PPA1: variants seen among roughly 807,000 people sequenced by gnomAD.
The protein encoded by PPA1 is inorganic pyrophosphatase 1, also known as inorganic pyrophosphatase.
A neutral mutation model predicts 41.8 loss-of-function variants in PPA1; 23 were observed. The observed-to-expected ratio is 0.55, with a 90% CI of 0.40 to 0.78. PPA1 has a LOEUF of 0.78. PPA1 is among the 30% of genes least tolerant of loss of function. PPA1 has a pLI of 0.00. For missense variants in PPA1, 320 were observed against 361.6 expected, an observed-to-expected ratio of 0.89 and a Z score of 0.93; for synonymous variants, 101 against 116.8, an observed-to-expected ratio of 0.86 and a Z score of 0.87.
At chr10:70,230,630 G>A (rs556067883) in intron 1 of PPA1, among the ~76,000 whole-genome samples, 2 of 152,170 alleles carry the variant, frequency 1.3e-5, no homozygotes, top group East Asian at 3.9e-4. Context: ...ACTACGTCTG[G>A]CTAATTTTTG....
intron 1 of PPA1, among the ~76,000 whole-genome samples, chr10:70,231,621 G>C (rs1372407145): frequency 6.6e-6 from 1 of 152,228 alleles, no homozygotes; most frequent in African/African-American, 2.4e-5. Context: ...TGACTTTGCA[G>C]TCTGTCCAGC....
chr10:70,218,017 T>G, intron 3 of PPA1, 86 bp from the exon 4 acceptor site: 39 of 1,165,182 alleles, frequency 3.3e-5, no homozygotes, highest in African/African-American at 4.6e-5. Context: ...TTATGGTACC[T>G]ATGTTCCCTA....
chr10:70,206,361 A>C (rs1839939011), intron 8 of PPA1, 28 bp from the exon 9 acceptor site: 1 of 1,534,486 alleles, frequency 6.5e-7, no homozygotes, highest in African/African-American at 1.4e-5. Flanking sequence ...AGTAGTCATA[A>C]GACAAAATAA....
chr10:70,213,695 T>G (rs1840047364), intron 5 of PPA1, 106 bp from the exon 6 acceptor site: 1 of 1,338,552 alleles, frequency 7.5e-7, no homozygotes, highest in Admixed American at 2.5e-5. Context: ...TCTTGAGAAT[T>G]TACCTGAAGA....
chr10:70,212,415 C>T (rs1840031244), intron 6 of PPA1, among the ~76,000 whole-genome samples: 1 of 152,088 alleles, frequency 6.6e-6, no homozygotes, highest in Non-Finnish European at 1.5e-5. Context: ...ATTACACAGC[C>T]AAAACAACCC....
At chr10:70,227,879 T>G (rs1840249137) in intron 2 of PPA1, among the ~76,000 whole-genome samples, 1 of 152,128 alleles carries the variant, frequency 6.6e-6, no homozygotes, top group South Asian at 2.1e-4. Context: ...AATGTATTCA[T>G]GTAAACTTAA....
chr10:70,219,218 T>A (rs1727084259), intron 2 of PPA1, among the ~76,000 whole-genome samples: 1 of 152,116 alleles, frequency 6.6e-6, no homozygotes, highest in South Asian at 2.1e-4. Flanking sequence ...ACTATATAAA[T>A]CTTTTAACTT....
intron 2 of PPA1, among the ~76,000 whole-genome samples, chr10:70,221,058 T>TTATATATATATATA (rs1470145450): frequency 4.3e-5 from 1 of 23,198 alleles, no homozygotes; most frequent in African/African-American, 4.1e-4. Flanking sequence ...TATATATAAT[T>TTATATATATATATA]TATATATATA....
rs988873886 is a variant in PPA1, at chr10:70,233,372, C to A, written c.-45G>T. The A allele has an allele frequency of 4.6e-6, 7 of 1,526,760 alleles. No individual in the cohort carries two copies. Among genetic ancestry groups the A allele is most frequent in the Admixed American group, 2.0e-5 (1 of 49,658 alleles). 94.6% of individuals were successfully genotyped at this position (1,526,760 alleles called of 1,614,324 possible). A position where few individuals can be genotyped will look rare whatever the true frequency, so the allele number is the denominator to read the frequency against. ...CGCCGCTGCCACAGAGCCACCAGCCCGCACGCGGCGCCGACTGACAAGGAG... is the reference window on the plus strand; with the variant it reads ...CGCCGCTGCCACAGAGCCACCAGCCAGCACGCGGCGCCGACTGACAAGGAG... On this transcript the variant is annotated 5_prime_UTR_variant, in exon 1 of 11. Transcript: ENST00000373232.
intron 1 of PPA1, among the ~76,000 whole-genome samples, chr10:70,230,633 A>G (rs1327005421): frequency 6.6e-6 from 1 of 151,902 alleles, no homozygotes; most frequent in Non-Finnish European, 1.5e-5. Context: ...ACGTCTGGCT[A>G]ATTTTTGTGT....
At chr10:70,203,478 A>G (rs1839903459) in intron 10 of PPA1, 1 of 283,054 alleles carries the variant, frequency 3.5e-6, no homozygotes, top group South Asian at 5.1e-5. Flanking sequence ...ATCATGGCTC[A>G]CTGCAACCTC....
chr10:70,219,457 C>A (rs934890896), intron 2 of PPA1, among the ~76,000 whole-genome samples: 2 of 152,148 alleles, frequency 1.3e-5, no homozygotes, highest in African/African-American at 4.8e-5. Context: ...CCAAGTCAGA[C>A]TAATTACTTG....
At chr10:70,217,234 A>G (rs1025937493) in intron 4 of PPA1, among the ~76,000 whole-genome samples, 1 of 152,152 alleles carries the variant, frequency 6.6e-6, no homozygotes, top group Non-Finnish European at 1.5e-5. Context: ...ACTTTACCAC[A>G]AAGAGCTTGA....
At chr10:70,218,022 T>A in intron 3 of PPA1, 91 bp from the exon 4 acceptor site, 2 of 1,139,538 alleles carry the variant, frequency 1.8e-6, no homozygotes, top group Non-Finnish European at 2.4e-6. Flanking sequence ...GTACCTATGT[T>A]CCCTAATTCC....
intron 1 of PPA1, 111 bp downstream of exon 1, chr10:70,233,153 G>T: frequency 2.5e-6 from 3 of 1,220,516 alleles, no homozygotes; most frequent in Non-Finnish European, 3.3e-6. Flanking sequence ...GAGGAGACGG[G>T]CCCGCGTCGG....
intron 10 of PPA1, among the ~76,000 whole-genome samples, chr10:70,203,432 T>C (rs1330603653): frequency 2.0e-5 from 3 of 152,144 alleles, no homozygotes; most frequent in African/African-American, 7.2e-5. Context: ...AGACAGGGTC[T>C]CACTCTCTTG....
chr10:70,229,112 G>A (rs1840261019), intron 2 of PPA1, among the ~76,000 whole-genome samples: 1 of 152,178 alleles, frequency 6.6e-6, no homozygotes, highest in South Asian at 2.1e-4. Context: ...GCTAAATACA[G>A]TACAAACTGC....
chr10:70,209,355 C>T (rs1839988756), intron 7 of PPA1, 65 bp from the exon 8 acceptor site: 4 of 1,386,892 alleles, frequency 2.9e-6, no homozygotes, highest in Non-Finnish European at 4.0e-6. Context: ...ATCAACATTT[C>T]CCCAAAGCCT....
At chr10:70,224,406 T>G (rs947556204) in intron 2 of PPA1, among the ~76,000 whole-genome samples, 1 of 152,186 alleles carries the variant, frequency 6.6e-6, no homozygotes, top group Non-Finnish European at 1.5e-5. Flanking sequence ...CAAAAATATT[T>G]AAAATAAAAA....
Sources: allele counts gnomAD v4.1 joint callset (sites outside exome capture counted in the v4.1 genomes callset), GRCh38; gene constraint gnomAD v4.1.1; transcripts MANE v1.5; gene names NCBI Gene and HGNC (gene_info 2026-07-23, HGNC 2026-07-21).